Variants in SYNE3 observed in about 807,000 individuals in gnomAD.
SYNE3 encodes the protein spectrin repeat containing nuclear envelope family member 3.
In SYNE3, 100 loss-of-function variants were observed where a neutral mutation model predicts 111.2. The ratio of observed to expected loss-of-function variants is 0.90; its 90% CI spans 0.77 to 1.06. The LOEUF is 1.06. Among genes scored for constraint, SYNE3 ranks in the 50% least tolerant of loss-of-function variants. The probability of loss-of-function intolerance (pLI) is 0.00; values close to 1 mark genes in which losing one functional copy is unlikely to be tolerated. For synonymous variants in SYNE3, 547 were observed against 533.9 expected (o/e 1.02, Z -0.34); for missense variants, 1,160 against 1,240.3 (o/e 0.94, Z 0.97).
At chr14:95,437,478 T>G (rs1159598449) in intron 14 of SYNE3, among the ~76,000 whole-genome samples, 2 of 152,174 alleles carry the variant, frequency 1.3e-5, no homozygotes, top group African/African-American at 4.8e-5. Flanking sequence ...CTCCCTCTGC[T>G]CTTCACACAT....
At chr14:95,471,604 T>C (rs1888533721) in intron 2 of SYNE3, among the ~76,000 whole-genome samples, 1 of 152,232 alleles carries the variant, frequency 6.6e-6, no homozygotes, top group East Asian at 1.9e-4. Context: ...GGCCAGAGGC[T>C]GTGGCTAGGC....
chr14:95,443,351 G>A (rs1421489503), intron 10 of SYNE3, 62 bp from the exon 11 acceptor site: 66 of 1,599,444 alleles, frequency 4.1e-5, no homozygotes, highest in Non-Finnish European at 4.9e-5. Context: ...TGGGGTGGCC[G>A]ATCAGGGCAG....
At chr14:95,456,662 G>A (rs1887457882) in intron 5 of SYNE3, among the ~76,000 whole-genome samples, 1 of 152,150 alleles carries the variant, frequency 6.6e-6, no homozygotes, top group Non-Finnish European at 1.5e-5. Context: ...TGCTCTGCTG[G>A]CCAGGGATTT....
rs1003500912 is a variant in SYNE3, at chr14:95,410,884, G to A, written c.*6942C>T. The A allele has an allele frequency of 5.9e-5, 9 of 152,294 alleles. No homozygotes were observed. The highest frequency in any genetic ancestry group is 1.3e-4 in the Non-Finnish European group (9 of 68,150). The allele number at this position is 152,294 out of a possible 1,614,324, so 9.4% of individuals were successfully genotyped here. On this transcript the variant is annotated 3_prime_UTR_variant, in exon 18 of 18. Transcript: ENST00000682763. Reference sequence around the variant, plus strand: ...TGACTTCCCTCCTTACCAATAGGTGGGGGGAGGTGGTAAGGAACTGGACCA... The same window carrying A: ...TGACTTCCCTCCTTACCAATAGGTGAGGGGAGGTGGTAAGGAACTGGACCA...
intron 4 of SYNE3, among the ~76,000 whole-genome samples, chr14:95,461,665 T>C (rs901324427): frequency 1.3e-5 from 2 of 152,222 alleles, no homozygotes; most frequent in African/African-American, 2.4e-5. Context: ...TGGGCTCTCA[T>C]AGGTAAAAGT....
Position 95,439,937 on chromosome 14 carries a change from C to T in SYNE3, c.2050G>A (p.Glu684Lys), listed in dbSNP as rs1161481401. The change falls in exon 12 of 18, where the codon GAG becomes AAG. Residue 684 changes from glutamate (E) to lysine (K), a missense_variant. Glu to Lys is a moderately conservative substitution (Grantham distance 56, BLOSUM62 1). Coordinates refer to ENST00000682763, the MANE Select transcript of SYNE3 (RefSeq NM_152592.6). ...HRGEAGPGDA[E>K]SQEAEFERLV... ...ACCTCAAACTCGGCCTCTTGGGACT[C>T]GGCATCCCCCGGGCCCGCCTCTCCC... is the stretch of plus-strand genomic sequence containing the variant. The T allele has an allele frequency of 2.5e-6, 4 of 1,612,778 alleles. No homozygotes were observed. Among genetic ancestry groups the T allele is most frequent in the South Asian group, 1.1e-5 (1 of 90,900 alleles).
intron 17 of SYNE3, among the ~76,000 whole-genome samples, chr14:95,419,696 T>C (rs1884968236): frequency 1.1e-5 from 1 of 95,170 alleles, no homozygotes; most frequent in Admixed American, 1.6e-4. Flanking sequence ...ATAATGATCA[T>C]GACGCTAATG....
chr14:95,413,891 T>A lies in SYNE3; in HGVS notation c.*3935A>T, dbSNP rs1903497333. The A allele has an allele frequency of 6.6e-6, 1 of 152,214 alleles. No homozygotes were observed. Among genetic ancestry groups the A allele is most frequent in the Admixed American group, 6.5e-5 (1 of 15,272 alleles). The allele number at this position is 152,214 out of a possible 1,614,324, so 9.4% of individuals were successfully genotyped here. A position where few individuals can be genotyped will look rare whatever the true frequency, so the allele number is the denominator to read the frequency against. On this transcript the variant is annotated 3_prime_UTR_variant, in exon 18 of 18. Coordinates refer to ENST00000682763, the MANE Select transcript of SYNE3 (RefSeq NM_152592.6). The stretch of plus-strand genomic sequence containing the variant: ...TGAAGCTCTTATCCTGTGCTGGGCA[T>A]TGGGGGTGTGGAGTTCTGTCATTCA...
intron 4 of SYNE3, among the ~76,000 whole-genome samples, chr14:95,462,763 A>G (rs1383584675): frequency 1.3e-5 from 2 of 152,236 alleles, no homozygotes; most frequent in Non-Finnish European, 2.9e-5. Flanking sequence ...GCAGGACCTG[A>G]GTCGCAGCTG....
At chr14:95,515,274 G>A (rs547416513) in intron 1 of SYNE3, among the ~76,000 whole-genome samples, 131 of 152,350 alleles carry the variant, frequency 8.6e-4, no homozygotes, top group Non-Finnish European at 1.3e-3. Flanking sequence ...AGCACCGTCC[G>A]GCCTGAGGAA....
intron 17 of SYNE3, among the ~76,000 whole-genome samples, chr14:95,421,152 TTATAAATTA>T (rs1885099797): frequency 6.6e-6 from 1 of 152,324 alleles, no homozygotes; most frequent in Middle Eastern, 3.4e-3. Context: ...CTCTTTTTCT[TTATAAATTA>T]CCCAGTCTCG....
At chr14:95,460,629 C>CA (rs1566668782) in intron 4 of SYNE3, among the ~76,000 whole-genome samples, 5 of 93,974 alleles carry the variant, frequency 5.3e-5, no homozygotes, top group East Asian at 6.7e-4. Context: ...GTGGAGCAAG[C>CA]GAGGGGACAG....
At chr14:95,457,831 T>G (rs893169808) in intron 4 of SYNE3, among the ~76,000 whole-genome samples, 2 of 152,030 alleles carry the variant, frequency 1.3e-5, no homozygotes, top group Non-Finnish European at 2.9e-5. Context: ...AGAGGTAAAG[T>G]GACTTGCCCA....
chr14:95,439,312 C>T (rs1271961222), intron 13 of SYNE3, 150 bp from the exon 14 acceptor site: 16 of 1,225,882 alleles, frequency 1.3e-5, no homozygotes, highest in Middle Eastern at 2.6e-4. Context: ...TGCTCACATC[C>T]GGTTTCTGAC....
At chr14:95,427,588 C>CCT (rs1305035413) in intron 17 of SYNE3, among the ~76,000 whole-genome samples, 1 of 150,494 alleles carries the variant, frequency 6.6e-6, no homozygotes, top group African/African-American at 2.5e-5. Flanking sequence ...CCTCTCTCTC[C>CCT]CTCTCTCTCT....
In SYNE3 at chr14:95,414,615, A is replaced by G. The variant is rs1381533746; in HGVS notation, c.*3211T>C. The G allele has an allele frequency of 6.6e-6, 1 of 152,020 alleles. No individual in the cohort carries two copies. The highest frequency in any genetic ancestry group is 1.5e-5 in the Non-Finnish European group (1 of 68,088). The allele number at this position is 152,020 out of a possible 1,614,324, so 9.4% of individuals were successfully genotyped here. On this transcript the variant is annotated 3_prime_UTR_variant, in exon 18 of 18. Transcript: ENST00000682763. ...GGGTGGGAGGGACAGGTAAGCAGGG[A>G]TAACTAATTCATCAACCGACCCACT...
At chr14:95,443,513 A>G (rs150556771) in intron 10 of SYNE3, 115 of 479,154 alleles carry the variant, frequency 2.4e-4, no homozygotes, top group African/African-American at 2.2e-3. Context: ...ATTCTGGGAC[A>G]CCATGAAAAT....
At chr14:95,445,856 G>T in intron 9 of SYNE3, 53 bp downstream of exon 9, 3 of 1,589,086 alleles carry the variant, frequency 1.9e-6, no homozygotes, top group Middle Eastern at 2.0e-4. Context: ...CCCAGTGGGT[G>T]CTCCAGCCCC....
intron 4 of SYNE3, among the ~76,000 whole-genome samples, chr14:95,464,893 G>A (rs137955820): frequency 4.1e-4 from 62 of 152,334 alleles, no homozygotes; most frequent in African/African-American, 1.4e-3. Flanking sequence ...GATGGGGACT[G>A]TAAAATACAT....
Sources: gnomAD v4.1 joint callset for allele counts (sites outside exome capture counted in the v4.1 genomes callset) on GRCh38, gnomAD v4.1.1 for gene constraint, MANE v1.5 for transcripts, NCBI Gene and HGNC (gene_info 2026-07-23, HGNC 2026-07-21) for gene names.